The following ADD3 variants were observed in gnomAD, a reference collection of about 807,000 sequenced individuals.
ADD3 encodes the protein adducin 3, also known as gamma-adducin.
In ADD3, 25 loss-of-function variants were observed where a neutral mutation model predicts 80.2. The observed-to-expected ratio is 0.31, with a 90% CI of 0.23 to 0.44. ADD3 has a LOEUF of 0.44. ADD3 is among the 20% of genes least tolerant of loss of function. The pLI, the probability that ADD3 is intolerant of heterozygous loss-of-function variation, is 1.00. For missense variants in ADD3, 829 were observed against 847.5 expected (o/e 0.98, Z 0.27); for synonymous variants, 284 against 289.6 (o/e 0.98, Z 0.20).
At chr10:110,060,258 T>C (rs1218582413) in intron 1 of ADD3, among the ~76,000 whole-genome samples, 1 of 152,226 alleles carries the variant, frequency 6.6e-6, no homozygotes, top group Non-Finnish European at 1.5e-5. Flanking sequence ...TCCTAATATA[T>C]TAACGTTTAT....
At chr10:110,026,313 C>T (rs1296346775) in intron 1 of ADD3, among the ~76,000 whole-genome samples, 1 of 143,714 alleles carries the variant, frequency 7.0e-6, no homozygotes, top group Non-Finnish European at 1.5e-5. Context: ...CGGAGTTTCA[C>T]TCTTGTTGCC....
chr10:110,025,042 C>T (rs147034831), intron 1 of ADD3, among the ~76,000 whole-genome samples: 9 of 151,602 alleles, frequency 5.9e-5, no homozygotes, highest in Admixed American at 1.3e-4. Flanking sequence ...TACAGGCGTG[C>T]GCCACCATGC....
upstream of ADD3, among the ~76,000 whole-genome samples, chr10:110,004,497 G>C (rs1282463467): frequency 6.6e-6 from 1 of 151,942 alleles, no homozygotes; most frequent in Non-Finnish European, 1.5e-5. Flanking sequence ...TTTTAGTAGA[G>C]ACAGGGTTTC....
intron 12 of ADD3, among the ~76,000 whole-genome samples, chr10:110,128,491 C>T (rs1852480171): frequency 6.6e-6 from 1 of 152,138 alleles, no homozygotes; most frequent in Non-Finnish European, 1.5e-5. Flanking sequence ...TCTTGGCTCA[C>T]TGCAAGCTCC....
At chr10:110,121,708 C>T (rs1411267970) in intron 8 of ADD3, 1 of 153,974 alleles carries the variant, frequency 6.5e-6, no homozygotes, top group Admixed American at 6.5e-5. Flanking sequence ...GAGCTGATGG[C>T]TTCTGCCTAA....
intron 1 of ADD3, among the ~76,000 whole-genome samples, chr10:110,056,193 C>T (rs139838495): frequency 6.6e-6 from 1 of 152,318 alleles, no homozygotes; most frequent in East Asian, 1.9e-4. Flanking sequence ...AATCCTCAAA[C>T]TAACATAATT....
intron 1 of ADD3, among the ~76,000 whole-genome samples, chr10:110,023,712 T>C (rs1313749829): frequency 6.6e-6 from 1 of 152,242 alleles, no homozygotes. Flanking sequence ...TAGTTCTTAA[T>C]CTGCTTTACT....
At chr10:110,070,433 C>T (rs974819415) in intron 1 of ADD3, among the ~76,000 whole-genome samples, 2 of 151,304 alleles carry the variant, frequency 1.3e-5, no homozygotes, top group Non-Finnish European at 2.9e-5. Context: ...TTTACCAACT[C>T]AGAATTTAAA....
At chr10:110,069,337 G>A (rs2133617189) in intron 1 of ADD3, among the ~76,000 whole-genome samples, 1 of 152,170 alleles carries the variant, frequency 6.6e-6, no homozygotes, top group East Asian at 1.9e-4. Flanking sequence ...TAACCCTGTG[G>A]CATTTTCTCA....
intron 1 of ADD3, among the ~76,000 whole-genome samples, chr10:110,041,176 T>C (rs558271301): frequency 6.6e-6 from 1 of 152,252 alleles, no homozygotes; most frequent in Admixed American, 6.5e-5. Context: ...TTTAAGTAGG[T>C]AGTTGAACAT....
At chr10:109,998,680 C>G (rs1388612849) in intron 1 of ADD3, among the ~76,000 whole-genome samples, 1 of 152,102 alleles carries the variant, frequency 6.6e-6, no homozygotes, top group Non-Finnish European at 1.5e-5. Flanking sequence ...GACCACCATG[C>G]CTTTCCCTCA....
intron 1 of ADD3, among the ~76,000 whole-genome samples, chr10:110,035,746 C>T (rs77309912): frequency 0.011 from 1,742 of 152,312 alleles, 31 homozygotes; most frequent in African/African-American, 0.037. Flanking sequence ...AATTTGCATT[C>T]TCACACGTTA....
Position 110,118,537 on chromosome 10 carries a change from A to G in ADD3, c.568-50A>G, listed in dbSNP as rs758880401. 1.9e-5 allele frequency: 29 copies of G among 1,530,510 alleles called. No individual in the cohort carries two copies. The South Asian group carries it at 2.8e-4, about 15-fold the overall frequency. The allele number at this position is 1,530,510 out of a possible 1,614,324, so 94.8% of individuals were successfully genotyped here. On this transcript the variant is annotated intron_variant, in intron 5 of 14. Coordinates refer to ENST00000356080, the MANE Select transcript of ADD3 (RefSeq NM_016824.5). ...CCCCTGGTTTAGCTTGTGAAACACA[A>G]ACTTTGATACGTATATACCAGTTAA... is the stretch of plus-strand genomic sequence containing the variant.
rs1211571618 is a variant in ADD3 at position 110,133,686 on chromosome 10, GATC to G, written c.*71_*73del. On this transcript the variant is annotated 3_prime_UTR_variant, in exon 15 of 15. Coordinates refer to ENST00000356080, the MANE Select transcript of ADD3 (RefSeq NM_016824.5). ...CACATCTAAATACCACATTTAAGTT[GATC>G]ATTAATATGCAATGGTAGATCAGAT... 7.7e-6 allele frequency: 10 copies of G among 1,299,270 alleles called. No individual in the cohort carries two copies. Among genetic ancestry groups the G allele is most frequent in the Non-Finnish European group, 1.0e-5 (10 of 967,818 alleles). 80.5% of individuals were successfully genotyped at this position (1,299,270 alleles called of 1,614,324 possible). A position where few individuals can be genotyped will look rare whatever the true frequency, so the allele number is the denominator to read the frequency against.
intron 1 of ADD3, among the ~76,000 whole-genome samples, chr10:110,074,145 C>T (rs1172351600): frequency 6.6e-6 from 1 of 152,170 alleles, no homozygotes; most frequent in Non-Finnish European, 1.5e-5. Flanking sequence ...ATATCCTTGA[C>T]CAGATGATGT....
At chr10:110,048,861 A>AT (rs1459668351) in intron 1 of ADD3, among the ~76,000 whole-genome samples, 2 of 152,224 alleles carry the variant, frequency 1.3e-5, no homozygotes, top group African/African-American at 4.8e-5. Flanking sequence ...GGCTGCAGAA[A>AT]TTTGCAGAAG....
chr10:110,083,685 C>A (rs1190498160), intron 1 of ADD3, among the ~76,000 whole-genome samples: 1 of 151,998 alleles, frequency 6.6e-6, no homozygotes, highest in Non-Finnish European at 1.5e-5. Context: ...AGGCTGATAG[C>A]TAAGTATTTT....
At chr10:110,014,761 A>T (rs181759676) in intron 1 of ADD3, among the ~76,000 whole-genome samples, 1,745 of 151,930 alleles carry the variant, frequency 0.011, 30 homozygotes, top group African/African-American at 0.037. Context: ...TCCCAACCTC[A>T]GGTGATCCAC....
intron 1 of ADD3, among the ~76,000 whole-genome samples, chr10:110,049,540 C>T (rs1391679513): frequency 1.3e-5 from 2 of 152,192 alleles, no homozygotes; most frequent in Admixed American, 6.5e-5. Flanking sequence ...CTTGCATCAG[C>T]GTGACCTGGA....
Sources: allele counts gnomAD v4.1 joint callset (sites outside exome capture counted in the v4.1 genomes callset), GRCh38; gene constraint gnomAD v4.1.1; transcripts MANE v1.5; gene names NCBI Gene and HGNC (gene_info 2026-07-23, HGNC 2026-07-21).